Variants in DAB1 observed in about 807,000 individuals in gnomAD.
The protein encoded by DAB1 is disabled homolog 1.
Under a neutral mutation model 64.6 loss-of-function variants are expected in DAB1, and 15 were observed. The observed-to-expected ratio is 0.23, with a 90% CI of 0.16 to 0.36. DAB1 has a LOEUF of 0.36. Ranked by LOEUF, DAB1 falls within the 10% of genes least tolerant of loss-of-function variation. The probability of loss-of-function intolerance (pLI) is 1.00; values close to 1 mark genes in which losing one functional copy is unlikely to be tolerated. For missense variants in DAB1, 596 were observed against 706.7 expected (o/e 0.84, Z 1.78); for synonymous variants, 235 against 251.9 (o/e 0.93, Z 0.64).
chr1:57,539,229 C>G (rs1423173110), intron 7 of DAB1, among the ~76,000 whole-genome samples: 1 of 152,128 alleles, frequency 6.6e-6, no homozygotes, highest in Non-Finnish European at 1.5e-5. Context: ...TTTCATCACC[C>G]CATTGTTGCC....
upstream of DAB1, among the ~76,000 whole-genome samples, chr1:57,427,603 T>G (rs774786557): frequency 2.0e-5 from 3 of 152,230 alleles, no homozygotes; most frequent in African/African-American, 4.8e-5. Flanking sequence ...GTATTATATT[T>G]TATTTAATTC....
At chr1:57,695,282 AAGAAAGG>A (rs1646812474) in intron 6 of DAB1, among the ~76,000 whole-genome samples, 2 of 105,748 alleles carry the variant, frequency 1.9e-5, no homozygotes, top group African/African-American at 8.3e-5. Flanking sequence ...GGAAGGAAGG[AAGAAAGG>A]GAGAGAGAAG....
chr1:57,203,433 A>C (rs1392544103), intron 2 of DAB1, among the ~76,000 whole-genome samples: 2 of 152,186 alleles, frequency 1.3e-5, no homozygotes, highest in East Asian at 1.9e-4. Context: ...CCAGTGCCCA[A>C]GACAGAAAGT....
chr1:57,155,053 T>TTGCTTTCATTGCCTG (rs1553149533), intron 2 of DAB1, among the ~76,000 whole-genome samples: 1 of 152,214 alleles, frequency 6.6e-6, no homozygotes, highest in East Asian at 1.9e-4. Context: ...CATGGAAATT[T>TTGCTTTCATTGCCTG]TGCTTTCATT....
At chr1:58,041,794 A>G (rs1056719943) in intron 5 of DAB1, among the ~76,000 whole-genome samples, 2 of 152,332 alleles carry the variant, frequency 1.3e-5, no homozygotes, top group Non-Finnish European at 2.9e-5. Flanking sequence ...AGGCTGCATC[A>G]GGACTGGCTG....
intron 4 of DAB1, among the ~76,000 whole-genome samples, chr1:58,191,261 A>C (rs1657373834): frequency 6.6e-6 from 1 of 152,180 alleles, no homozygotes. Context: ...TCTTACAATA[A>C]CTTTCTTAAG....
chr1:58,298,528 C>G (rs781278337), intron 4 of DAB1, among the ~76,000 whole-genome samples: 5 of 152,242 alleles, frequency 3.3e-5, no homozygotes, highest in Non-Finnish European at 5.9e-5. Context: ...GTACAGCCTG[C>G]AGAAGGAGCC....
chr1:57,894,741 G>T (rs114730108), intron 5 of DAB1, among the ~76,000 whole-genome samples: 3,369 of 152,238 alleles, frequency 0.022, 116 homozygotes, highest in African/African-American at 0.078. Context: ...TTTGTAAGGG[G>T]CAACAGCAAA....
intron 3 of DAB1, among the ~76,000 whole-genome samples, chr1:58,358,905 G>T (rs566222468): frequency 2.0e-4 from 9 of 45,906 alleles, no homozygotes; most frequent in Non-Finnish European, 3.4e-4. Context: ...GCCTCTCTCT[G>T]TCTCTCTCCC....
At chr1:58,084,985 A>G (rs1650216180) in intron 5 of DAB1, among the ~76,000 whole-genome samples, 1 of 152,180 alleles carries the variant, frequency 6.6e-6, no homozygotes, top group Non-Finnish European at 1.5e-5. Flanking sequence ...ATTTTGTTAC[A>G]TGACTGTGAA....
intron 6 of DAB1, among the ~76,000 whole-genome samples, chr1:57,766,514 T>TA (rs1649318669): frequency 1.3e-5 from 2 of 152,102 alleles, no homozygotes; most frequent in African/African-American, 4.8e-5. Flanking sequence ...GGTTTTTCCT[T>TA]TTCTCTGCAC....
At chr1:58,209,987 C>A (rs1658472407) in intron 4 of DAB1, among the ~76,000 whole-genome samples, 1 of 152,066 alleles carries the variant, frequency 6.6e-6, no homozygotes, top group East Asian at 1.9e-4. Flanking sequence ...AACTCTTCTC[C>A]TAATGAGGAG....
intron 4 of DAB1, among the ~76,000 whole-genome samples, chr1:58,265,538 C>T (rs1661139241): frequency 6.6e-6 from 1 of 152,200 alleles, no homozygotes. Context: ...ATCTAATGCT[C>T]ACCCACTTTT....
intron 4 of DAB1, among the ~76,000 whole-genome samples, chr1:58,196,242 T>C (rs1657670631): frequency 1.3e-5 from 2 of 152,174 alleles, no homozygotes; most frequent in Admixed American, 6.5e-5. Flanking sequence ...CAGCCTTGTG[T>C]GTTCTGGAGC....
chr1:58,078,598 G>A (rs1282165271), intron 5 of DAB1, among the ~76,000 whole-genome samples: 1 of 152,070 alleles, frequency 6.6e-6, no homozygotes, highest in African/African-American at 2.4e-5. Flanking sequence ...ACTGGAAATA[G>A]GATGAGAAAG....
intron 4 of DAB1, among the ~76,000 whole-genome samples, chr1:57,090,959 G>A (rs1049469929): frequency 3.3e-5 from 5 of 152,072 alleles, no homozygotes; most frequent in African/African-American, 9.7e-5. Context: ...CACTCCTTAC[G>A]AGAATCTAAT....
intron 5 of DAB1, among the ~76,000 whole-genome samples, chr1:58,109,773 A>T (rs1252003702): frequency 6.6e-6 from 1 of 151,288 alleles, no homozygotes; most frequent in Non-Finnish European, 1.5e-5. Flanking sequence ...AAACAAAGTG[A>T]GGTGGAATGG....
chr1:57,074,186 T>C (rs1458310553), intron 4 of DAB1, among the ~76,000 whole-genome samples: 2 of 149,300 alleles, frequency 1.3e-5, no homozygotes, highest in African/African-American at 4.9e-5. Context: ...TGGAATTATA[T>C]CAGCTTAGTG....
intron 7 of DAB1, among the ~76,000 whole-genome samples, chr1:57,547,738 G>A (rs1341334488): frequency 6.6e-6 from 1 of 152,190 alleles, no homozygotes; most frequent in Admixed American, 6.5e-5. Flanking sequence ...GAAAACTGGT[G>A]AAATCCAAAT....
Sources: allele counts gnomAD v4.1 joint callset (sites outside exome capture counted in the v4.1 genomes callset), GRCh38; gene constraint gnomAD v4.1.1; transcripts MANE v1.5; gene names NCBI Gene and HGNC (gene_info 2026-07-23, HGNC 2026-07-21).